HDAC9: variants seen among roughly 807,000 people sequenced by gnomAD.
HDAC9 encodes histone deacetylase 9.
A neutral mutation model predicts 139.4 loss-of-function variants in HDAC9; 41 were observed. The observed-to-expected ratio is 0.29, with a 90% CI of 0.23 to 0.38. The LOEUF (loss-of-function observed/expected upper bound fraction) is 0.38. Among genes scored for constraint, HDAC9 ranks in the 10% least tolerant of loss-of-function variants. The probability of loss-of-function intolerance (pLI) is 1.00; values close to 1 mark genes in which losing one functional copy is unlikely to be tolerated. For missense variants in HDAC9, 1,147 were observed against 1,297.0 expected (o/e 0.88, Z 1.78); for synonymous variants, 517 against 476.2 (o/e 1.09, Z -1.12).
At chr7:18,358,418 G>A (rs1394833615) in intron 1 of HDAC9, among the ~76,000 whole-genome samples, 1 of 152,214 alleles carries the variant, frequency 6.6e-6, no homozygotes, top group Non-Finnish European at 1.5e-5. Context: ...TGTTGAGACA[G>A]TAGTTAATGA....
intron 11 of HDAC9, among the ~76,000 whole-genome samples, chr7:18,663,440 A>T (rs1005139): frequency 0.15 from 22,210 of 151,968 alleles, 2,081 homozygotes; most frequent in Non-Finnish European, 0.2. Flanking sequence ...GCTAGGTTCC[A>T]AGTCGCGCCC....
chr7:18,698,729 C>G (rs1255244510), intron 12 of HDAC9, among the ~76,000 whole-genome samples: 1 of 152,164 alleles, frequency 6.6e-6, no homozygotes, highest in African/African-American at 2.4e-5. Flanking sequence ...AGTGACTTTT[C>G]CCAGAAAGGT....
rs529785256 is a variant in HDAC9, at chr7:18,243,560, C to CTGT, written c.25+81213_25+81214insTTG. ...AGAGTGGGGACAGCTCTACTGCTTG[C>CTGT]TGAGCAGTCTCCATTCAGAAGTGTT... On this transcript the variant is annotated intron_variant, in intron 2 of 12. Coordinates refer to the HDAC9 transcript ENST00000417496. 3.5e-3 allele frequency among the ~76,000 whole-genome samples: 529 copies of CTGT among 152,344 alleles called. 2 individuals carry two copies. Among genetic ancestry groups the CTGT allele is most frequent in the African/African-American group, 0.012 (514 of 41,592 alleles).
At chr7:18,113,606 CTT>C (rs1783771761) in intron 1 of HDAC9, among the ~76,000 whole-genome samples, 1 of 152,180 alleles carries the variant, frequency 6.6e-6, no homozygotes, top group Non-Finnish European at 1.5e-5. Context: ...TGGAACATGA[CTT>C]TCTTCAGCAT....
chr7:18,382,963 C>T (rs1785574597), intron 1 of HDAC9, among the ~76,000 whole-genome samples: 1 of 151,916 alleles, frequency 6.6e-6, no homozygotes. Flanking sequence ...TTGGAAAATC[C>T]GTGACTAAAT....
intron 1 of HDAC9, among the ~76,000 whole-genome samples, chr7:18,399,940 C>G (rs1295177609): frequency 6.6e-6 from 1 of 152,164 alleles, no homozygotes; most frequent in Non-Finnish European, 1.5e-5. Flanking sequence ...GCAATGTATG[C>G]TTAGGAGGTC....
intron 1 of HDAC9, among the ~76,000 whole-genome samples, chr7:18,355,481 G>T (rs1783183930): frequency 6.6e-6 from 1 of 152,052 alleles, no homozygotes; most frequent in Non-Finnish European, 1.5e-5. Context: ...GTTAAAAATG[G>T]GTTGCTCATA....
chr7:18,846,222 C>T (rs1282104032), intron 21 of HDAC9, among the ~76,000 whole-genome samples: 1 of 152,132 alleles, frequency 6.6e-6, no homozygotes, highest in Non-Finnish European at 1.5e-5. Flanking sequence ...ATCACCATAT[C>T]ACTCACCGAC....
chr7:18,953,630 T>C (rs1782955154), intron 23 of HDAC9, among the ~76,000 whole-genome samples: 1 of 152,134 alleles, frequency 6.6e-6, no homozygotes, highest in African/African-American at 2.4e-5. Flanking sequence ...GAACCCTTTC[T>C]CTACTACTTT....
intron 1 of HDAC9, among the ~76,000 whole-genome samples, chr7:18,111,358 C>T (rs147567663): frequency 5.1e-4 from 78 of 152,270 alleles, no homozygotes; most frequent in African/African-American, 1.9e-3. Context: ...GTTTGCAAAA[C>T]AGGCAGAAAA....
chr7:18,247,990 G>A (rs914781359), intron 2 of HDAC9, among the ~76,000 whole-genome samples: 1 of 152,086 alleles, frequency 6.6e-6, no homozygotes, highest in Non-Finnish European at 1.5e-5. Flanking sequence ...TTGAAGTCAT[G>A]GGGAGAATAT....
chr7:18,474,708 C>G (rs1009107440), intron 1 of HDAC9, among the ~76,000 whole-genome samples: 2 of 152,034 alleles, frequency 1.3e-5, no homozygotes, highest in Non-Finnish European at 2.9e-5. Context: ...TCTTAATAAA[C>G]ACAGCATCAA....
intron 2 of HDAC9, among the ~76,000 whole-genome samples, chr7:18,227,295 A>G (rs2128180511): frequency 6.6e-6 from 1 of 152,316 alleles, no homozygotes; most frequent in South Asian, 2.1e-4. Flanking sequence ...TTATTCAGTT[A>G]AAAATTTTTT....
chr7:18,518,669 C>T (rs1213930113), intron 2 of HDAC9, among the ~76,000 whole-genome samples: 2 of 152,158 alleles, frequency 1.3e-5, no homozygotes, highest in Admixed American at 6.6e-5. Context: ...GTCCCACCTC[C>T]ATTAAAGCCG....
rs560684801 is a variant in HDAC9 at position 18,894,455 on chromosome 7, T to G, written c.2803+19859T>G. Among the ~76,000 whole-genome samples the G allele has an allele frequency of 5.3e-5, 8 of 152,216 alleles. No homozygotes were observed. The East Asian group carries it at 1.5e-3, about 29-fold the overall frequency. On this transcript the variant is annotated intron_variant, in intron 22 of 25. Transcript: ENST00000686413. ...AGCACAAGCCATTAGCTCTATCAAA[T>G]GTCCTTAAAGGGTCAAGTAAGATAA...
chr7:18,423,913 A>G (rs190698391), intron 1 of HDAC9, among the ~76,000 whole-genome samples: 11 of 152,328 alleles, frequency 7.2e-5, no homozygotes, highest in Admixed American at 5.2e-4. Flanking sequence ...AATTGTTCAC[A>G]TTTATAAGGA....
At chr7:18,351,093 C>G (rs1040230899) in intron 1 of HDAC9, among the ~76,000 whole-genome samples, 2 of 152,064 alleles carry the variant, frequency 1.3e-5, no homozygotes, top group Non-Finnish European at 2.9e-5. Context: ...ATTTAGTAGT[C>G]GGCTGTAAAT....
At chr7:18,471,233 G>A (rs1794698563) in intron 1 of HDAC9, among the ~76,000 whole-genome samples, 1 of 152,118 alleles carries the variant, frequency 6.6e-6, no homozygotes, top group South Asian at 2.1e-4. Flanking sequence ...AGAAATATTT[G>A]TGTAATGAAT....
chr7:18,642,179 G>GAACCATCC, intron 8 of HDAC9, among the ~76,000 whole-genome samples: 1 of 152,168 alleles, frequency 6.6e-6, no homozygotes, highest in African/African-American at 2.4e-5. Context: ...GGGGGACACA[G>GAACCATCC]AACCATCCTT....
Sources: allele counts gnomAD v4.1 joint callset (sites outside exome capture counted in the v4.1 genomes callset), GRCh38; gene constraint gnomAD v4.1.1; transcripts MANE v1.5; gene names NCBI Gene and HGNC (gene_info 2026-07-23, HGNC 2026-07-21).